Variants in CRAT observed in about 807,000 individuals in gnomAD.
CRAT encodes the protein carnitine O-acetyltransferase, also known as carnitine acetylase.
Under a neutral mutation model 73.7 loss-of-function variants are expected in CRAT, and 66 were observed. The observed-to-expected ratio is 0.90, with a 90% confidence interval of 0.73 to 1.10. The LOEUF is 1.10. CRAT is among the 50% of genes least tolerant of loss of function. The pLI, the probability that CRAT is intolerant of heterozygous loss-of-function variation, is 0.00. For missense variants in CRAT, 745 were observed against 846.9 expected (o/e 0.88, Z 1.49); for synonymous variants, 321 against 343.2 (o/e 0.94, Z 0.71).
rs1387754250 is a variant in CRAT, at chr9:129,100,187, C to T, written c.985-221G>A. 5.1e-6 allele frequency: 3 copies of T among 583,470 alleles called. No homozygotes were observed. In the African/African-American group the frequency reaches 5.6e-5, roughly 11 times the overall value. 36.1% of individuals were successfully genotyped at this position (583,470 alleles called of 1,614,324 possible). ...TGACTGAGTCCTTCAAACTACTCTA[C>T]CGGTGAGGTTGACCATCACCCCATT... On this transcript the variant is annotated intron_variant, in intron 7 of 13. Transcript: ENST00000318080.
chr9:129,103,242 C>A lies in CRAT; in HGVS notation c.411-176G>T, dbSNP rs986281769. Among the ~76,000 whole-genome samples the A allele has an allele frequency of 6.6e-6, 1 of 152,114 alleles. No individual in the cohort carries two copies. Among genetic ancestry groups the A allele is most frequent in the Non-Finnish European group, 1.5e-5 (1 of 68,016 alleles). On this transcript the variant is annotated intron_variant, in intron 3 of 13. Transcript: ENST00000318080. The surrounding 1 kb of genome is among the most constrained non-coding windows in gnomAD (Gnocchi z 4.6). ...GTCCCAGCTTGCCAGCCTGTGTGTGCTTCTTCATAACCTCTAGAGGGAGCA... is the reference window on the plus strand; with the variant it reads ...GTCCCAGCTTGCCAGCCTGTGTGTGATTCTTCATAACCTCTAGAGGGAGCA...
rs140100627 is a variant in CRAT, at chr9:129,098,067, C to A, written c.1410G>T (p.Ser470=). 1 of 1,613,922 alleles carries A rather than the reference C, an allele frequency of 6.2e-7. No individual in the cohort carries two copies. Among genetic ancestry groups the A allele is most frequent in the African/African-American group, 1.3e-5 (1 of 74,932 alleles). The change falls in exon 11 of 14, where the codon TCG becomes TCT. Residue 470 remains serine (S), a synonymous_variant. Coordinates refer to ENST00000318080, the MANE Select transcript of CRAT (RefSeq NM_000755.5). ...FHLGRTDTIR[S]ASMDSLTFVK... is the part of the protein sequence containing the mutation. ...CAAAGGTGAGTGAGTCCATGGAAGC[C>A]GAGCGGATGGTGTCGGTGCGGCCCA...
Position 129,107,095 on chromosome 9 carries a change from A to C in CRAT, c.291+719T>G, listed in dbSNP as rs1229926404. ...GTCGCCCAGGCTGGAGTGCAGTGGC[A>C]CAATCTTGGCTCACTGCAACCTCCA... On this transcript the variant is annotated intron_variant, in intron 2 of 13. Coordinates refer to ENST00000318080, the MANE Select transcript of CRAT (RefSeq NM_000755.5). The surrounding 1 kb of genome is among the most constrained non-coding windows in gnomAD (Gnocchi z 5.0). Among the ~76,000 whole-genome samples the C allele has an allele frequency of 6.6e-6, 1 of 151,718 alleles. No homozygotes were observed. Among genetic ancestry groups the C allele is most frequent in the Non-Finnish European group, 1.5e-5 (1 of 67,952 alleles).
rs1439052664 is a variant in CRAT at position 129,099,980 on chromosome 9, G to A, written c.985-14C>T. Reference sequence around the variant, plus strand: ...TGCCACGATGAACTGTGGAAGGGAAGGGAGACCCCGGTCAGCCCCAGGGCC... The same window carrying A: ...TGCCACGATGAACTGTGGAAGGGAAAGGAGACCCCGGTCAGCCCCAGGGCC... On this transcript the variant is annotated splice_polypyrimidine_tract_variant and intron_variant, in intron 7 of 13. Coordinates refer to ENST00000318080, the MANE Select transcript of CRAT (RefSeq NM_000755.5). 9 of 1,611,430 alleles carry A rather than the reference G, an allele frequency of 5.6e-6. 1 individual carries two copies. Among genetic ancestry groups the A allele is most frequent in the African/African-American group, 4.0e-5 (3 of 75,020 alleles).
At chr9:129,108,392 GC>G in intron 1 of CRAT, 1 of 1,206,374 alleles carries the variant, frequency 8.3e-7, no homozygotes, top group Non-Finnish European at 1.0e-6. Context: ...GGTTGCACAG[GC>G]CCCTCCTTTC....
chr9:129,109,355 A>G, intron 1 of CRAT: 1 of 1,133,800 alleles, frequency 8.8e-7, no homozygotes, highest in Non-Finnish European at 1.2e-6. Flanking sequence ...AGCCCTGCCT[A>G]TTTCCTGTTT....
chr9:129,099,465 C>T (rs1847519603), intron 8 of CRAT, among the ~76,000 whole-genome samples: 1 of 149,462 alleles, frequency 6.7e-6, no homozygotes, highest in Non-Finnish European at 1.5e-5. Flanking sequence ...CTTGCTCTGT[C>T]ACCCAGGCTG....
rs1376874724 is a variant in CRAT at position 129,095,457 on chromosome 9, C to T, written c.1821G>A (p.Leu607=). 5.6e-6 allele frequency: 9 copies of T among 1,613,362 alleles called. No individual in the cohort carries two copies. The highest frequency in any genetic ancestry group is 2.2e-5 in the East Asian group (1 of 44,888). The change falls in exon 14 of 14, where the codon CTG becomes CTA. Residue 607 remains leucine (L), a synonymous_variant. Transcript: ENST00000318080. ...ETNAARLAHY[L]EKALLDMRAL... Reference sequence around the variant, plus strand: ...CACGCATGTCCAGGAGCGCCTTCTCCAGGTAATGCGCCAGGCGGGCGGCGT... The same window carrying T: ...CACGCATGTCCAGGAGCGCCTTCTCTAGGTAATGCGCCAGGCGGGCGGCGT...
intron 2 of CRAT, among the ~76,000 whole-genome samples, chr9:129,105,325 G>A (rs1035963721): frequency 1.3e-5 from 2 of 152,028 alleles, no homozygotes; most frequent in African/African-American, 4.8e-5. Flanking sequence ...AAAGTCCAAT[G>A]AGTGACTTTT....
In CRAT at chr9:129,102,998, G is replaced by C; in HGVS notation, c.464+15C>G. The C allele has an allele frequency of 2.5e-6, 4 of 1,611,848 alleles. No homozygotes were observed. The highest frequency in any genetic ancestry group is 3.4e-6 in the Non-Finnish European group (4 of 1,177,922). On this transcript the variant is annotated intron_variant, in intron 4 of 13. Coordinates refer to ENST00000318080, the MANE Select transcript of CRAT (RefSeq NM_000755.5). ...CTGGGCAGGTGTGGGGCTGGGCAGG[G>C]GTGGGGATGCTCACTTGTCAATCAT...
Position 129,110,790 on chromosome 9 carries a change from G to T in CRAT, c.-281C>A, listed in dbSNP as rs945394062. On this transcript the variant is annotated 5_prime_UTR_variant, in exon 1 of 14. Transcript: ENST00000318080. This position sits in a 1 kb window ranked among gnomAD's most constrained non-coding sequence, Gnocchi z 5.3. ...GCCCGGGAGGTTGGCTGTGGGGCGG[G>T]GACGGGGCATCGATGGGGCGGAGTC... The T allele has an allele frequency of 1.3e-5, 7 of 544,226 alleles. No homozygotes were observed. The African/African-American group carries it at 1.4e-4, about 11-fold the overall frequency. 33.7% of individuals were successfully genotyped at this position (544,226 alleles called of 1,614,324 possible).
intron 1 of CRAT, chr9:129,108,969 G>A (rs1848195309): frequency 1.6e-6 from 2 of 1,238,924 alleles, no homozygotes; most frequent in Admixed American, 5.3e-5. Context: ...GGCTGTGGTG[G>A]AATCGGGGGT....
Position 129,107,804 on chromosome 9 carries a change from CCTCA to C in CRAT, c.291+6_291+9del. 6.2e-7 allele frequency: 1 copy of C among 1,613,112 alleles called. No individual in the cohort carries two copies. The highest frequency in any genetic ancestry group is 8.5e-7 in the Non-Finnish European group (1 of 1,180,024). On this transcript the variant is annotated splice_donor_region_variant and intron_variant, in intron 2 of 13. Transcript: ENST00000318080. The surrounding 1 kb of genome is among the most constrained non-coding windows in gnomAD (Gnocchi z 5.0). ...CAGCAGCAGGTCACAGTGAGGATGC[CCTCA>C]CTCACCCAGTTCTCCGTCTTCCTGG... is the stretch of plus-strand genomic sequence containing the variant.
rs1191827693 is a variant in CRAT, at chr9:129,103,405, T to G, written c.411-339A>C. Among the ~76,000 whole-genome samples the G allele has an allele frequency of 2.0e-5, 3 of 151,056 alleles. No individual in the cohort carries two copies. The highest frequency in any genetic ancestry group is 4.4e-5 in the Non-Finnish European group (3 of 67,762). ...CACAAAGGGCCTGAGCTCCTGAACC[T>G]CAGCCTAGAATCTGGAGGGGGTGTC... On this transcript the variant is annotated intron_variant, in intron 3 of 13. Coordinates refer to ENST00000318080, the MANE Select transcript of CRAT (RefSeq NM_000755.5). The surrounding 1 kb of genome is among the most constrained non-coding windows in gnomAD (Gnocchi z 4.6).
chr9:129,107,988 G>A lies in CRAT; in HGVS notation c.117C>T (p.Pro39=), dbSNP rs763973539. Residue 39 remains proline (P), a synonymous_variant, in exon 2 of 14, where the codon CCC becomes CCT. Transcript: ENST00000318080. This position sits in a 1 kb window ranked among gnomAD's most constrained non-coding sequence, Gnocchi z 5.0. ...KAHQDALPRL[P]VPPLQQSLDH... ...CCAGGGACTGCTGGAGAGGGGGCAC[G>A]GGCAGCCGTGGCAGTGCATCCTGGT... is the stretch of plus-strand genomic sequence containing the variant. 4 of 1,598,028 alleles carry A rather than the reference G, an allele frequency of 2.5e-6. No individual in the cohort carries two copies. The highest frequency in any genetic ancestry group is 2.2e-5 in the East Asian group (1 of 44,704).
chr9:129,100,374 G>A (rs1179306262), intron 7 of CRAT, 137 bp downstream of exon 7: 73 of 1,094,014 alleles, frequency 6.7e-5, no homozygotes, highest in Non-Finnish European at 8.1e-5. Flanking sequence ...TTACGGCAGC[G>A]TCCAGCCTGC....
In CRAT at chr9:129,103,128, G is replaced by A. The variant is rs538801396; in HGVS notation, c.411-62C>T. On this transcript the variant is annotated intron_variant, in intron 3 of 13. Transcript: ENST00000318080. The surrounding 1 kb of genome is among the most constrained non-coding windows in gnomAD (Gnocchi z 4.6). ...CACCCTGAGGGAGGCCCCGGGCTAG[G>A]GACACCTGCTTGGGGAGCGGGAGGT... The A allele has an allele frequency of 4.2e-6, 6 of 1,414,336 alleles. No individual in the cohort carries two copies. The Admixed American group carries it at 8.4e-5, about 20-fold the overall frequency. The allele number at this position is 1,414,336 out of a possible 1,614,324, so 87.6% of individuals were successfully genotyped here. A position where few individuals can be genotyped will look rare whatever the true frequency, so the allele number is the denominator to read the frequency against.
rs1485652356 is a variant in CRAT, at chr9:129,103,230, A to G, written c.411-164T>C. Among the ~76,000 whole-genome samples, 2 of 152,048 alleles carry G rather than the reference A, an allele frequency of 1.3e-5. No individual in the cohort carries two copies. Among genetic ancestry groups the G allele is most frequent in the Non-Finnish European group, 2.9e-5 (2 of 67,992 alleles). ...AGGGGCCTGCGAGTCCCAGCTTGCC[A>G]GCCTGTGTGTGCTTCTTCATAACCT... On this transcript the variant is annotated intron_variant, in intron 3 of 13. Transcript: ENST00000318080. This position sits in a 1 kb window ranked among gnomAD's most constrained non-coding sequence, Gnocchi z 4.6.
Position 129,107,644 on chromosome 9 carries a change from C to T in CRAT, c.291+170G>A, listed in dbSNP as rs1848095099. 1 of 864,216 alleles carries T rather than the reference C, an allele frequency of 1.2e-6. No homozygotes were observed. The highest frequency in any genetic ancestry group is 1.9e-6 in the Non-Finnish European group (1 of 519,040). The allele number at this position is 864,216 out of a possible 1,614,324, so 53.5% of individuals were successfully genotyped here. A position where few individuals can be genotyped will look rare whatever the true frequency, so the allele number is the denominator to read the frequency against. On this transcript the variant is annotated intron_variant, in intron 2 of 13. Coordinates refer to ENST00000318080, the MANE Select transcript of CRAT (RefSeq NM_000755.5). The surrounding 1 kb of genome is among the most constrained non-coding windows in gnomAD (Gnocchi z 5.0). ...CTACTTGAATGTTAGCTCCAAGGAGCTGGTGACTGTGTCCTTCTTGATCAC... is the reference window on the plus strand; with the variant it reads ...CTACTTGAATGTTAGCTCCAAGGAGTTGGTGACTGTGTCCTTCTTGATCAC...
Sources: allele counts gnomAD v4.1 joint callset (sites outside exome capture counted in the v4.1 genomes callset), GRCh38; gene constraint gnomAD v4.1.1; non-coding constraint Gnocchi (gnomAD v3.1); transcripts MANE v1.5; gene names NCBI Gene and HGNC (gene_info 2026-07-23, HGNC 2026-07-21).